Variants in SSH3 observed in about 807,000 individuals in gnomAD.
SSH3 encodes the protein slingshot protein phosphatase 3, also known as protein phosphatase Slingshot homolog 3.
A neutral mutation model predicts 75.0 loss-of-function variants in SSH3; 67 were observed. The ratio of observed to expected loss-of-function variants is 0.89; its 90% CI spans 0.73 to 1.10. The LOEUF (loss-of-function observed/expected upper bound fraction) is 1.10, where lower values mean the gene tolerates loss of function less well. Ranked by LOEUF, SSH3 falls within the 50% of genes least tolerant of loss-of-function variation. The pLI is 0.00. For synonymous variants in SSH3, 318 were observed against 349.2 expected, an observed-to-expected ratio of 0.91 and a Z score of 1.00; for missense variants, 824 against 872.7, an observed-to-expected ratio of 0.94 and a Z score of 0.70.
In SSH3 at chr11:67,308,189, G is replaced by T. The variant is rs1029177100; in HGVS notation, c.901G>T (p.Glu301Ter). 1 of 1,613,614 alleles carries T rather than the reference G, an allele frequency of 6.2e-7. No individual in the cohort carries two copies. The highest frequency in any genetic ancestry group is 1.3e-5 in the African/African-American group (1 of 74,928). The change falls in exon 9 of 14, where the codon GAG (glutamate) becomes TAG (stop). Residue 301 changes from glutamate to a stop codon, truncating the protein, a stop_gained. Coordinates refer to ENST00000308127, the MANE Select transcript of SSH3 (RefSeq NM_017857.4). LOFTEE classifies it high-confidence loss of function. The surrounding 1 kb of genome is among the most constrained non-coding windows in gnomAD (Gnocchi z 4.9). Reference protein sequence around the residue: ...VTSKEIRQALELRLGLPLQQY... With the variant: ...VTSKEIRQAL ...CTGCCTGCAGATCCGCCAGGCTCTG[G>T]AGCTGCGCCTGGGGCTCCCCCTCCA...
In SSH3 at chr11:67,307,888, G is replaced by T; in HGVS notation, c.834G>T (p.Glu278Asp). 6.2e-7 allele frequency: 1 copy of T among 1,614,236 alleles called. No individual in the cohort carries two copies. Among genetic ancestry groups the T allele is most frequent in the South Asian group, 1.1e-5 (1 of 91,092 alleles). The change falls in exon 8 of 14, where the codon GAG (glutamate) becomes GAT (aspartate). Residue 278 changes from glutamate to aspartate, a missense_variant. Physicochemically the swap from Glu to Asp is conservative, Grantham distance 45. Transcript: ENST00000308127. The surrounding 1 kb of genome is among the most constrained non-coding windows in gnomAD (Gnocchi z 4.2). ...AGATGGAGCAGGCGATCCGTGCTGA[G>T]CTGTGGAAAGTGTTGGATGTCAGTG... ...QEQMEQAIRA[E>D]LWKVLDVSDL...
At chr11:67,309,287 T>C in intron 10 of SSH3, 110 bp from the exon 11 acceptor site, 3 of 1,398,438 alleles carry the variant, frequency 2.1e-6, no homozygotes, top group Non-Finnish European at 3.0e-6. Context: ...GCTGCCTCCA[T>C]CTGACTTGAA....
Position 67,307,795 on chromosome 11 carries a change from G to A in SSH3, c.792-51G>A. 6.2e-7 allele frequency: 1 copy of A among 1,614,022 alleles called. No individual in the cohort carries two copies. Among genetic ancestry groups the A allele is most frequent in the Non-Finnish European group, 8.5e-7 (1 of 1,180,010 alleles). ...GGGAAGGCAGGATAATGCAGTGGGG[G>A]GCATGGTGGAGAGGGGAAAGGGCCC... is the stretch of plus-strand genomic sequence containing the variant. On this transcript the variant is annotated intron_variant, in intron 7 of 13. Transcript: ENST00000308127. This position sits in a 1 kb window ranked among gnomAD's most constrained non-coding sequence, Gnocchi z 4.2.
Position 67,307,078 on chromosome 11 carries a change from CT to C in SSH3, c.502del (p.Trp168GlyfsTer8). ...SCTLGLVLPL[W>X]SDTQVYLDGD... is the part of the protein sequence containing the mutation. ...GCACCCTGGGCCTGGTCTTGCCCCTCTGGAGTGACACCCAGGTGTACTTAGA... is the reference window on the plus strand; with the variant it reads ...GCACCCTGGGCCTGGTCTTGCCCCTCGGAGTGACACCCAGGTGTACTTAGA... On this transcript the variant is annotated frameshift_variant, in exon 5 of 14. Coordinates refer to ENST00000308127, the MANE Select transcript of SSH3 (RefSeq NM_017857.4). This position sits in a 1 kb window ranked among gnomAD's most constrained non-coding sequence, Gnocchi z 4.2. 3 of 1,614,048 alleles carry C rather than the reference CT, an allele frequency of 1.9e-6. No homozygotes were observed. In the South Asian group the frequency reaches 3.3e-5, roughly 18 times the overall value.
In SSH3 at chr11:67,310,445, AC is replaced by A. The variant is rs1382996568; in HGVS notation, c.1683+109del. On this transcript the variant is annotated intron_variant, in intron 13 of 13. Transcript: ENST00000308127. ...TTGACTGTAGACCTGAGCAGGGCGT[AC>A]CCGGGCTAAGTCTGGCCCGCCCATG... is the stretch of plus-strand genomic sequence containing the variant. 2.1e-6 allele frequency: 3 copies of A among 1,409,150 alleles called. No individual in the cohort carries two copies. In the African/African-American group the frequency reaches 4.3e-5, roughly 20 times the overall value. The allele number at this position is 1,409,150 out of a possible 1,614,324, so 87.3% of individuals were successfully genotyped here. A position where few individuals can be genotyped will look rare whatever the true frequency, so the allele number is the denominator to read the frequency against.
At chr11:67,304,193 C>T (rs773725809) in intron 2 of SSH3, 38 bp downstream of exon 2, 32 of 1,521,214 alleles carry the variant, frequency 2.1e-5, no homozygotes, top group Non-Finnish European at 2.3e-5. Flanking sequence ...CTTCCGTCTG[C>T]CCCGGGCCTG....
At chr11:67,310,905 C>T (rs1272850918) in intron 13 of SSH3, among the ~76,000 whole-genome samples, 1 of 152,180 alleles carries the variant, frequency 6.6e-6, no homozygotes, top group African/African-American at 2.4e-5. Context: ...AGGAGCAGCA[C>T]CTCAAAGGAT....
rs1168396785 is a variant in SSH3 at position 67,311,698 on chromosome 11, G to A, written c.1791G>A (p.Leu597=). The change falls in exon 14 of 14, where the codon CTG becomes CTA. Residue 597 remains leucine (L), a synonymous_variant. Transcript: ENST00000308127. ...TGGACAGGGGGCCTCAGCCTGCCCT[G>A]AAGTCCCGCCAGTCAGTGGTTACCC... ...QQVDRGPQPA[L]KSRQSVVTLQ... The A allele has an allele frequency of 6.2e-7, 1 of 1,613,956 alleles. No individual in the cohort carries two copies. Among genetic ancestry groups the A allele is most frequent in the Non-Finnish European group, 8.5e-7 (1 of 1,180,044 alleles).
chr11:67,311,855 G>A lies in SSH3; in HGVS notation c.1948G>A (p.Val650Met), dbSNP rs747193820. 6.8e-6 allele frequency: 11 copies of A among 1,612,390 alleles called. No individual in the cohort carries two copies. The highest frequency in any genetic ancestry group is 5.3e-5 in the African/African-American group (4 of 74,990). ...CCGGAAGGTGGTGAGACAGGCCAGC[G>A]TGCATGACAGTGGAGAGGAGGGCGA... Reference protein sequence around the residue: ...RFRKVVRQASVHDSGEEGEA With the variant: ...RFRKVVRQASMHDSGEEGEA Residue 650 changes from valine (V) to methionine (M), a missense_variant, in exon 14 of 14, where the codon GTG becomes ATG. By Grantham distance (21) the Val-to-Met change is conservative. Transcript: ENST00000308127.
At chr11:67,310,795 C>T (rs1215518936) in intron 13 of SSH3, among the ~76,000 whole-genome samples, 6 of 152,194 alleles carry the variant, frequency 3.9e-5, no homozygotes, top group African/African-American at 1.4e-4. Flanking sequence ...GGGCTGCCTC[C>T]CCAGGCCATG....
At position 67,307,786 on chromosome 11, in the gene SSH3, G is replaced by A. The variant is rs770022321; in HGVS notation, c.791+49G>A. 1.2e-6 allele frequency: 2 copies of A among 1,613,914 alleles called. No homozygotes were observed. Among genetic ancestry groups the A allele is most frequent in the Non-Finnish European group, 1.7e-6 (2 of 1,179,974 alleles). On this transcript the variant is annotated intron_variant, in intron 7 of 13. Transcript: ENST00000308127. This position sits in a 1 kb window ranked among gnomAD's most constrained non-coding sequence, Gnocchi z 4.2. Reference sequence around the variant, plus strand: ...TGGGTGGAGGGGAAGGCAGGATAATGCAGTGGGGGGCATGGTGGAGAGGGG... The same window carrying A: ...TGGGTGGAGGGGAAGGCAGGATAATACAGTGGGGGGCATGGTGGAGAGGGG...
Position 67,305,027 on chromosome 11 carries a change from T to G in SSH3, c.339+20T>G. The G allele has an allele frequency of 5.3e-6, 8 of 1,511,446 alleles. No homozygotes were observed. Among genetic ancestry groups the G allele is most frequent in the Non-Finnish European group, 7.3e-6 (8 of 1,101,078 alleles). The allele number at this position is 1,511,446 out of a possible 1,614,324, so 93.6% of individuals were successfully genotyped here. A position where few individuals can be genotyped will look rare whatever the true frequency, so the allele number is the denominator to read the frequency against. The stretch of plus-strand genomic sequence containing the variant: ...CGCCTGGTGAGGGCCCATGTGGAGC[T>G]CCGGGGGGTGGGGGGAAGAGACACG... On this transcript the variant is annotated intron_variant, in intron 3 of 13. Transcript: ENST00000308127.
chr11:67,309,564 G>A (rs773718864), intron 11 of SSH3, 21 bp downstream of exon 11: 4 of 1,611,130 alleles, frequency 2.5e-6, no homozygotes, highest in Admixed American at 3.3e-5. Context: ...TGGCTTTGCT[G>A]CCTGCCCCAC....
chr11:67,311,833 G>A lies in SSH3; in HGVS notation c.1926G>A (p.Arg642=), dbSNP rs772302099. ...EPCISSTPRF[R]KVVRQASVHD... Reference sequence around the variant, plus strand: ...GCATTTCCTCTACGCCCAGGTTCCGGAAGGTGGTGAGACAGGCCAGCGTGC... The same window carrying A: ...GCATTTCCTCTACGCCCAGGTTCCGAAAGGTGGTGAGACAGGCCAGCGTGC... Residue 642 remains arginine, a synonymous_variant, in exon 14 of 14, where the codon CGG becomes CGA. Coordinates refer to ENST00000308127, the MANE Select transcript of SSH3 (RefSeq NM_017857.4). 1.9e-6 allele frequency: 3 copies of A among 1,613,032 alleles called. No homozygotes were observed. The highest frequency in any genetic ancestry group is 2.5e-6 in the Non-Finnish European group (3 of 1,180,006).
Position 67,307,726 on chromosome 11 carries a change from C to T in SSH3, c.780C>T (p.Ala260=), listed in dbSNP as rs79688961. The part of the protein sequence containing the change: ...ADLESLRPPS[A]EPGGSSEQEQ... ...TGGAGTCTCTGCGGCCTCCCAGCGCCGAGCCTGGCGGGTCAGTGTGTGGAG... is the reference window on the plus strand; with the variant it reads ...TGGAGTCTCTGCGGCCTCCCAGCGCTGAGCCTGGCGGGTCAGTGTGTGGAG... The change falls in exon 7 of 14, where the codon GCC becomes GCT. Residue 260 remains alanine (A), a synonymous_variant. Transcript: ENST00000308127. The surrounding 1 kb of genome is among the most constrained non-coding windows in gnomAD (Gnocchi z 4.2). The T allele has an allele frequency of 1.4e-4, 227 of 1,613,834 alleles. No homozygotes were observed. The African/African-American group carries it at 2.5e-3, about 18-fold the overall frequency.
rs1453368922 is a variant in SSH3, at chr11:67,312,085, T to A, written c.*198T>A. 1 of 713,122 alleles carries A rather than the reference T, an allele frequency of 1.4e-6. No homozygotes were observed. Among genetic ancestry groups the A allele is most frequent in the Non-Finnish European group, 2.2e-6 (1 of 445,904 alleles). The allele number at this position is 713,122 out of a possible 1,614,324, so 44.2% of individuals were successfully genotyped here. A position where few individuals can be genotyped will look rare whatever the true frequency, so the allele number is the denominator to read the frequency against. On this transcript the variant is annotated 3_prime_UTR_variant, in exon 14 of 14. Coordinates refer to ENST00000308127, the MANE Select transcript of SSH3 (RefSeq NM_017857.4). The stretch of plus-strand genomic sequence containing the variant: ...CAGCCTCACCTCCTACAGCCTTAAG[T>A]CCCAGGCCCATGTCTGCCTGTCCAA...
intron 2 of SSH3, 116 bp from the exon 3 acceptor site, chr11:67,304,657 G>A: frequency 9.6e-7 from 1 of 1,041,740 alleles, no homozygotes; most frequent in Non-Finnish European, 1.4e-6. Flanking sequence ...GACCGCGTGG[G>A]GGCCCATGAA....
intron 2 of SSH3, among the ~76,000 whole-genome samples, 162 bp downstream of exon 2, chr11:67,304,317 C>T (rs918808747): frequency 2.0e-5 from 3 of 152,184 alleles, no homozygotes; most frequent in Non-Finnish European, 4.4e-5. Flanking sequence ...GGCTGGTGGG[C>T]TCGCGGTAGG....
rs1255041856 is a variant in SSH3, at chr11:67,311,677, CA to C, written c.1771del (p.Arg591GlyfsTer7). ...GGACCAAGGGAGGCCAGCAGGTGGA[CA>C]GGGGGCCTCAGCCTGCCCTGAAGTC... is the stretch of plus-strand genomic sequence containing the variant. ...ARTKGGQQVD[R>X]GPQPALKSRQ... is the part of the protein sequence containing the mutation. On this transcript the variant is annotated frameshift_variant, in exon 14 of 14. Transcript: ENST00000308127. LOFTEE classifies it low-confidence loss of function (END_TRUNC). 6.2e-7 allele frequency: 1 copy of C among 1,613,990 alleles called. No homozygotes were observed. The highest frequency in any genetic ancestry group is 8.5e-7 in the Non-Finnish European group (1 of 1,180,028).
Sources: allele counts gnomAD v4.1 joint callset (sites outside exome capture counted in the v4.1 genomes callset), GRCh38; gene constraint gnomAD v4.1.1; non-coding constraint Gnocchi (gnomAD v3.1); transcripts MANE v1.5; gene names NCBI Gene and HGNC (gene_info 2026-07-23, HGNC 2026-07-21).